COL4A1: variants seen among roughly 807,000 people sequenced by gnomAD.
The protein encoded by COL4A1 is collagen alpha-1(IV) chain.
In COL4A1, 40 loss-of-function variants were observed where a neutral mutation model predicts 216.6. The ratio of observed to expected loss-of-function variants is 0.18; its 90% CI spans 0.14 to 0.24. COL4A1 has a LOEUF of 0.24. COL4A1 is among the 10% of genes least tolerant of loss of function. COL4A1 has a pLI of 1.00. For missense variants in COL4A1, 1,628 were observed against 2,196.8 expected, an observed-to-expected ratio of 0.74 and a Z score of 5.18; for synonymous variants, 839 against 810.7, an observed-to-expected ratio of 1.03 and a Z score of -0.59.
intron 48 of COL4A1, 128 bp downstream of exon 48, chr13:110,162,102 G>A (rs1054947351): frequency 2.6e-5 from 23 of 901,144 alleles, no homozygotes; most frequent in Middle Eastern, 2.6e-4. Context: ...ACTGGCTACC[G>A]CCCTCATGGC....
intron 2 of COL4A1, among the ~76,000 whole-genome samples, chr13:110,238,761 GA>G (rs1321279179): frequency 6.6e-6 from 1 of 152,178 alleles, no homozygotes; most frequent in Non-Finnish European, 1.5e-5. Context: ...TAGATTATTT[GA>G]AAGAGGTCTT....
At chr13:110,212,658 G>A in intron 4 of COL4A1, 40 bp from the exon 5 acceptor site, 1 of 1,611,594 alleles carries the variant, frequency 6.2e-7, no homozygotes, top group Non-Finnish European at 8.5e-7. Context: ...TGAAGAGCCG[G>A]GAAGCCTCAC....
chr13:110,247,790 CGTGTGTGTGTGTGTGTGT>C (rs56086913), intron 1 of COL4A1, among the ~76,000 whole-genome samples: 13 of 57,768 alleles, frequency 2.3e-4, no homozygotes, highest in East Asian at 2.0e-3. Context: ...CTATGCTACT[CGTGTGTGTGTGTGTGTGT>C]GTGTGTGTGT....
intron 1 of COL4A1, among the ~76,000 whole-genome samples, chr13:110,269,985 T>C (rs1203927563): frequency 1.3e-5 from 2 of 152,112 alleles, no homozygotes; most frequent in Non-Finnish European, 2.9e-5. Flanking sequence ...GATGCCAGAA[T>C]GAAACCAGAT....
At position 110,185,625 on chromosome 13, in the gene COL4A1, G is replaced by A. The variant is rs186234161; in HGVS notation, c.1897+760C>T. Among the ~76,000 whole-genome samples, 273 of 152,274 alleles carry A rather than the reference G, an allele frequency of 1.8e-3. 2 individuals are homozygous for A. The highest frequency in any genetic ancestry group is 3.4e-3 in the Middle Eastern group (1 of 294). ...TCTTCTCATTCCGGGATTTTCTAGG[G>A]AAGAACAGGCGTGCTCCATGTCTAC... is the stretch of plus-strand genomic sequence containing the variant. On this transcript the variant is annotated intron_variant, in intron 26 of 51. Coordinates refer to ENST00000375820, the MANE Select transcript of COL4A1 (RefSeq NM_001845.6).
At chr13:110,174,331 G>A in intron 39 of COL4A1, 115 bp downstream of exon 39, 1 of 1,140,564 alleles carries the variant, frequency 8.8e-7, no homozygotes, top group Non-Finnish European at 1.3e-6. Flanking sequence ...GAAGATGGGA[G>A]ACAGGACAGC....
intron 29 of COL4A1, among the ~76,000 whole-genome samples, chr13:110,180,132 G>GAC (rs1237060437): frequency 6.6e-6 from 1 of 152,158 alleles, no homozygotes; most frequent in Admixed American, 6.5e-5. Flanking sequence ...GTCCCAGAAG[G>GAC]AAATTCTCAA....
At chr13:110,213,079 G>C (rs1346072104) in intron 4 of COL4A1, among the ~76,000 whole-genome samples, 3 of 152,114 alleles carry the variant, frequency 2.0e-5, no homozygotes, top group Non-Finnish European at 4.4e-5. Flanking sequence ...AGGATGTAAA[G>C]GCATAAGAGT....
At chr13:110,303,479 A>G (rs1884572599) in intron 1 of COL4A1, among the ~76,000 whole-genome samples, 1 of 152,168 alleles carries the variant, frequency 6.6e-6, no homozygotes, top group African/African-American at 2.4e-5. Flanking sequence ...TGGTATCTCA[A>G]AGGAGCAAAC....
chr13:110,299,746 A>G (rs1435611846), intron 1 of COL4A1, among the ~76,000 whole-genome samples: 3 of 152,154 alleles, frequency 2.0e-5, no homozygotes, highest in Non-Finnish European at 4.4e-5. Context: ...TCTTTGAGAA[A>G]CAGACTTTTC....
chr13:110,171,906 C>T (rs1305064938), intron 41 of COL4A1, among the ~76,000 whole-genome samples: 1 of 152,232 alleles, frequency 6.6e-6, no homozygotes, highest in Non-Finnish European at 1.5e-5. Flanking sequence ...AGGCAGCCCA[C>T]CCGGCACCAG....
chr13:110,235,017 C>T (rs35486774), intron 2 of COL4A1, among the ~76,000 whole-genome samples: 13,262 of 152,078 alleles, frequency 0.087, 806 homozygotes, highest in Non-Finnish European at 0.13. Context: ...CTTTTTAATG[C>T]GTTTTGATTT....
At chr13:110,260,900 G>A (rs375723972) in intron 1 of COL4A1, among the ~76,000 whole-genome samples, 8 of 152,066 alleles carry the variant, frequency 5.3e-5, no homozygotes, top group Middle Eastern at 6.8e-3. Context: ...AGCTGGGTGC[G>A]GTGGAGGGCA....
intron 1 of COL4A1, among the ~76,000 whole-genome samples, chr13:110,250,785 C>T (rs949713468): frequency 8.5e-5 from 13 of 152,210 alleles, no homozygotes; most frequent in Non-Finnish European, 1.3e-4. Flanking sequence ...ACTGGCCTGA[C>T]GCACTAGCAC....
chr13:110,212,634 TA>T lies in COL4A1; in HGVS notation c.280-17del. The T allele has an allele frequency of 6.2e-7, 1 of 1,613,408 alleles. No individual in the cohort carries two copies. The highest frequency in any genetic ancestry group is 1.3e-5 in the African/African-American group (1 of 74,990). Reference sequence around the variant, plus strand: ...CCGGAGGTCCCTGTGAGGGCGGAAGTAAAAGCGTGTCAGTGAAGAGCCGGGA... The same window carrying T: ...CCGGAGGTCCCTGTGAGGGCGGAAGTAAAGCGTGTCAGTGAAGAGCCGGGA... On this transcript the variant is annotated splice_polypyrimidine_tract_variant and intron_variant, in intron 4 of 51. Transcript: ENST00000375820.
At chr13:110,219,682 A>ATATATATATG (rs1555307865) in intron 2 of COL4A1, among the ~76,000 whole-genome samples, 2 of 133,690 alleles carry the variant, frequency 1.5e-5, no homozygotes, top group African/African-American at 2.9e-5. Context: ...ATATATGTGT[A>ATATATATATG]TATATATGTA....
At chr13:110,283,467 G>A (rs986739386) in intron 1 of COL4A1, among the ~76,000 whole-genome samples, 1 of 152,206 alleles carries the variant, frequency 6.6e-6, no homozygotes, top group Non-Finnish European at 1.5e-5. Context: ...ACAAAGGGAA[G>A]GGCCAAGGTG....
intron 46 of COL4A1, among the ~76,000 whole-genome samples, chr13:110,163,822 T>G (rs1237659001): frequency 6.6e-6 from 1 of 152,112 alleles, no homozygotes. Context: ...TTTGGCAGAT[T>G]GGTTTGGAAA....
At chr13:110,156,511 G>A (rs190456076) in intron 49 of COL4A1, among the ~76,000 whole-genome samples, 2 of 152,296 alleles carry the variant, frequency 1.3e-5, no homozygotes, top group East Asian at 1.9e-4. Context: ...ATCCACTGCC[G>A]CTGAAGTGAC....
Sources: allele counts gnomAD v4.1 joint callset (sites outside exome capture counted in the v4.1 genomes callset), GRCh38; gene constraint gnomAD v4.1.1; transcripts MANE v1.5; gene names NCBI Gene and HGNC (gene_info 2026-07-23, HGNC 2026-07-21).